Variants in SASH1 observed in about 807,000 individuals in gnomAD.
SASH1 encodes SAM and SH3 domain-containing protein 1.
SASH1 carries 44 observed loss-of-function variants against 125.2 expected under a neutral mutation model. The observed-to-expected ratio is 0.35, with a 90% confidence interval of 0.28 to 0.45. SASH1 has a LOEUF of 0.45. Ranked by LOEUF, SASH1 falls within the 20% of genes least tolerant of loss-of-function variation. The pLI is 1.00. For missense variants in SASH1, 1,426 were observed against 1,614.5 expected (o/e 0.88, Z 2.00); for synonymous variants, 639 against 649.1 (o/e 0.98, Z 0.24).
chr6:148,194,862 C>T, the SASH1 span, among the ~76,000 whole-genome samples: 4 of 152,292 alleles, frequency 2.6e-5, no homozygotes, highest in East Asian at 3.9e-4. Flanking sequence ...GCCGAGATCG[C>T]GCCACTGCAC....
At chr6:148,536,876 CTT>C (rs1485762471) in intron 16 of SASH1, among the ~76,000 whole-genome samples, 1 of 152,212 alleles carries the variant, frequency 6.6e-6, no homozygotes, top group Non-Finnish European at 1.5e-5. Context: ...AAGAAGACCT[CTT>C]TGCCTCTTCA....
At chr6:148,269,293 T>C (rs1779007602), upstream of SASH1, among the ~76,000 whole-genome samples, 1 of 151,674 alleles carries the variant, frequency 6.6e-6, no homozygotes, top group South Asian at 2.1e-4. Flanking sequence ...TTTGTCTTTT[T>C]TAATTTTTTT....
chr6:148,534,306 T>A (rs1378098292), intron 15 of SASH1, among the ~76,000 whole-genome samples: 1 of 152,002 alleles, frequency 6.6e-6, no homozygotes, highest in East Asian at 1.9e-4. Context: ...TGCGCCCACC[T>A]CTCTCCCACC....
chr6:148,506,359 C>T (rs1377521406), intron 8 of SASH1, among the ~76,000 whole-genome samples: 2 of 151,844 alleles, frequency 1.3e-5, no homozygotes, highest in African/African-American at 4.8e-5. Context: ...CCTGTAATCC[C>T]AGCTACTTGG....
chr6:148,336,950 A>G (rs1458042628), intron 1 of SASH1, among the ~76,000 whole-genome samples: 1 of 152,204 alleles, frequency 6.6e-6, no homozygotes, highest in Non-Finnish European at 1.5e-5. Flanking sequence ...TACATTTCGT[A>G]TGTTGACATA....
chr6:148,325,259 CT>C (rs200713064), intron 1 of SASH1, among the ~76,000 whole-genome samples: 20 of 33,358 alleles, frequency 6.0e-4, no homozygotes, highest in South Asian at 1.5e-3. Context: ...GGAAAAGCCT[CT>C]TTTGTTGTTG....
chr6:148,323,093 T>G (rs1198677516), intron 1 of SASH1, among the ~76,000 whole-genome samples: 12 of 151,698 alleles, frequency 7.9e-5, no homozygotes, highest in Non-Finnish European at 1.5e-4. Flanking sequence ...CACTGCAACC[T>G]CTGCCTCCCG....
the SASH1 span, among the ~76,000 whole-genome samples, chr6:148,233,861 G>A: frequency 6.7e-6 from 1 of 149,808 alleles, no homozygotes; most frequent in Non-Finnish European, 1.5e-5. Context: ...TGCAGTAAGC[G>A]ATGATGGCAC....
chr6:148,347,857 A>G (rs1781571172), intron 1 of SASH1, among the ~76,000 whole-genome samples: 2 of 152,164 alleles, frequency 1.3e-5, no homozygotes, highest in Non-Finnish European at 2.9e-5. Flanking sequence ...ATGCACCCTC[A>G]ACTCTCATTT....
At chr6:148,335,088 G>A (rs1404956688) in intron 1 of SASH1, among the ~76,000 whole-genome samples, 21 of 150,502 alleles carry the variant, frequency 1.4e-4, no homozygotes, top group Admixed American at 4.0e-4. Context: ...ACCTGAGGTC[G>A]GGAGTTTGAG....
intron 1 of SASH1, among the ~76,000 whole-genome samples, chr6:148,308,582 G>A (rs1780208653): frequency 1.3e-5 from 2 of 151,240 alleles, no homozygotes; most frequent in Non-Finnish European, 2.9e-5. Context: ...TTTTAGTAGA[G>A]ATAGGGTTTC....
At chr6:148,221,095 A>G in the SASH1 span, among the ~76,000 whole-genome samples, 1 of 152,076 alleles carries the variant, frequency 6.6e-6, no homozygotes, top group African/African-American at 2.4e-5. Flanking sequence ...CCATTTTTAC[A>G]TTTGCAATCC....
chr6:148,476,853 G>A (rs1440474522), intron 7 of SASH1, among the ~76,000 whole-genome samples: 1 of 152,098 alleles, frequency 6.6e-6, no homozygotes, highest in Non-Finnish European at 1.5e-5. Context: ...CATGGTACTG[G>A]CATAAAAACA....
At chr6:148,262,562 G>T in the SASH1 span, among the ~76,000 whole-genome samples, 1 of 152,156 alleles carries the variant, frequency 6.6e-6, no homozygotes, top group South Asian at 2.1e-4. Context: ...GACTCAGATA[G>T]ATCCCAGGGA....
rs1437070453 is a variant in SASH1 at position 148,535,449 on chromosome 6, CGAGGAGTTGTGTTCT to C, written c.2095+549_2095+563del. On this transcript the variant is annotated intron_variant, in intron 16 of 19. Coordinates refer to ENST00000367467, the MANE Select transcript of SASH1 (RefSeq NM_015278.5). ...AAGCTTGATTACTTCTCAGAGCACACGAGGAGTTGTGTTCTTATTGAATAGACTGGTTAGTGAATA... is the reference window on the plus strand; with the variant it reads ...AAGCTTGATTACTTCTCAGAGCACACTATTGAATAGACTGGTTAGTGAATA... 3.9e-5 allele frequency among the ~76,000 whole-genome samples: 6 copies of C among 152,250 alleles called. No individual in the cohort carries two copies. The South Asian group carries it at 6.2e-4, about 16-fold the overall frequency.
At chr6:148,460,615 G>A (rs1448371831) in intron 4 of SASH1, among the ~76,000 whole-genome samples, 2 of 152,118 alleles carry the variant, frequency 1.3e-5, no homozygotes, top group African/African-American at 4.8e-5. Flanking sequence ...GAAAAGCTAT[G>A]CAACATCAAT....
chr6:148,369,868 C>G (rs1023932248), intron 1 of SASH1, among the ~76,000 whole-genome samples: 1 of 149,716 alleles, frequency 6.7e-6, no homozygotes, highest in East Asian at 2.0e-4. Context: ...GCATGAGATT[C>G]GCTTGAACCG....
chr6:148,403,971 T>C (rs1421163681), intron 2 of SASH1, among the ~76,000 whole-genome samples: 1 of 152,262 alleles, frequency 6.6e-6, no homozygotes, highest in African/African-American at 2.4e-5. Context: ...CTTTGAATGC[T>C]GTTTCACCTT....
intron 8 of SASH1, chr6:148,513,382 C>G (rs530132353): frequency 2.0e-6 from 2 of 985,432 alleles, no homozygotes; most frequent in South Asian, 4.7e-5. Flanking sequence ...GCCCACGCAC[C>G]CGTGTTGCAC....
Sources: allele counts gnomAD v4.1 joint callset (sites outside exome capture counted in the v4.1 genomes callset), GRCh38; gene constraint gnomAD v4.1.1; transcripts MANE v1.5; gene names NCBI Gene and HGNC (gene_info 2026-07-23, HGNC 2026-07-21).